Variants in FOXN3 observed in about 807,000 individuals in gnomAD.
FOXN3 encodes the protein forkhead box protein N3.
A neutral mutation model predicts 38.4 loss-of-function variants in FOXN3; 7 were observed. That is an observed-to-expected ratio of 0.18 (90% confidence interval 0.10 to 0.34). The LOEUF (loss-of-function observed/expected upper bound fraction) is 0.34. Among genes scored for constraint, FOXN3 ranks in the 10% least tolerant of loss-of-function variants. The pLI is 1.00. For missense variants in FOXN3, 456 were observed against 613.4 expected (o/e 0.74, Z 2.71); for synonymous variants, 230 against 242.2 (o/e 0.95, Z 0.47).
At chr14:89,452,406 G>A (rs1332002220) in intron 1 of FOXN3, among the ~76,000 whole-genome samples, 7 of 152,136 alleles carry the variant, frequency 4.6e-5, no homozygotes, top group African/African-American at 1.7e-4. Context: ...GGGGAGGGCC[G>A]GAATGAGCAC....
chr14:89,350,607 G>T, intron 3 of FOXN3, 65 bp downstream of exon 3: 3 of 1,324,060 alleles, frequency 2.3e-6, no homozygotes, highest in Non-Finnish European at 2.0e-6. Context: ...ATTAATTTCC[G>T]CGCAGGTCTC....
At chr14:89,437,881 T>G (rs1892303910) in intron 1 of FOXN3, among the ~76,000 whole-genome samples, 1 of 152,210 alleles carries the variant, frequency 6.6e-6, no homozygotes, top group South Asian at 2.1e-4. Context: ...GAACCCTTTA[T>G]CTGCAACAGT....
chr14:89,337,830 A>G (rs749021362), intron 3 of FOXN3, among the ~76,000 whole-genome samples: 10 of 152,078 alleles, frequency 6.6e-5, no homozygotes, highest in Admixed American at 2.0e-4. Context: ...GGGTTTCACC[A>G]TGTTGGCCAG....
At chr14:89,510,174 C>T (rs752459085) in intron 1 of FOXN3, among the ~76,000 whole-genome samples, 1 of 152,102 alleles carries the variant, frequency 6.6e-6, no homozygotes, top group African/African-American at 2.4e-5. Context: ...ACATGAAAAC[C>T]CTGAGGCTCA....
rs187569260 is a variant in FOXN3, at chr14:89,458,018, G to A, written c.-14-45528C>T. 1.3e-4 allele frequency among the ~76,000 whole-genome samples: 13 copies of A among 103,410 alleles called. No homozygotes were observed. In the East Asian group the frequency reaches 1.5e-3, roughly 12 times the overall value. The allele number at this position is 103,410 out of a possible 152,430, so 67.8% of individuals were successfully genotyped here. A position where few individuals can be genotyped will look rare whatever the true frequency, so the allele number is the denominator to read the frequency against. On this transcript the variant is annotated intron_variant, in intron 1 of 6. Coordinates refer to the FOXN3 transcript ENST00000345097. ...GCACTCCAGCCTGAGCGATAAGAGC[G>A]AAACTCCATCTCAAAAAAAAAAAAA...
At chr14:89,170,981 A>G (rs1887374156) in intron 5 of FOXN3, among the ~76,000 whole-genome samples, 1 of 152,206 alleles carries the variant, frequency 6.6e-6, no homozygotes, top group East Asian at 1.9e-4. Context: ...AATCCAAAAA[A>G]GAAAGGAAAT....
At chr14:89,257,842 A>G (rs1368747459) in intron 4 of FOXN3, among the ~76,000 whole-genome samples, 2 of 152,048 alleles carry the variant, frequency 1.3e-5, no homozygotes, top group Non-Finnish European at 2.9e-5. Context: ...TGTCCCGTGG[A>G]TTTTGATTTT....
At chr14:89,327,371 C>T (rs1888113763) in intron 3 of FOXN3, among the ~76,000 whole-genome samples, 1 of 152,174 alleles carries the variant, frequency 6.6e-6, no homozygotes, top group African/African-American at 2.4e-5. Context: ...GTTACCAGCC[C>T]TGGAATGCTG....
chr14:89,325,248 G>GACCACC (rs1187823867), intron 3 of FOXN3, among the ~76,000 whole-genome samples: 3 of 19,944 alleles, frequency 1.5e-4, no homozygotes, highest in Non-Finnish European at 2.3e-4. Context: ...CCACCACCAC[G>GACCACC]ACCACCACCA....
At chr14:89,273,346 C>T (rs1886209109) in intron 4 of FOXN3, among the ~76,000 whole-genome samples, 1 of 152,192 alleles carries the variant, frequency 6.6e-6, no homozygotes, top group South Asian at 2.1e-4. Context: ...TAATAAAGGC[C>T]CTCGATTTCC....
chr14:89,399,039 A>T (rs1891176442), intron 2 of FOXN3, among the ~76,000 whole-genome samples: 1 of 152,164 alleles, frequency 6.6e-6, no homozygotes, highest in African/African-American at 2.4e-5. Flanking sequence ...GCTTTCCTGA[A>T]TTTTTTTGTT....
At chr14:89,322,532 G>A (rs1887925935) in intron 3 of FOXN3, among the ~76,000 whole-genome samples, 1 of 152,156 alleles carries the variant, frequency 6.6e-6, no homozygotes, top group African/African-American at 2.4e-5. Flanking sequence ...TCTGGAGGGG[G>A]CTGCAGAGGG....
intron 1 of FOXN3, among the ~76,000 whole-genome samples, chr14:89,465,611 A>G (rs1480291267): frequency 6.6e-6 from 1 of 152,242 alleles, no homozygotes; most frequent in East Asian, 1.9e-4. Flanking sequence ...GTTTTGTACC[A>G]CTGTCTGCAC....
intron 3 of FOXN3, among the ~76,000 whole-genome samples, chr14:89,311,905 C>T (rs543126530): frequency 6.6e-6 from 1 of 152,240 alleles, no homozygotes; most frequent in Non-Finnish European, 1.5e-5. Flanking sequence ...AGCACTGGTG[C>T]AAAACGAGTG....
chr14:89,573,882 C>T (rs959989341), intron 1 of FOXN3, among the ~76,000 whole-genome samples: 5 of 151,944 alleles, frequency 3.3e-5, no homozygotes, highest in African/African-American at 1.2e-4. Flanking sequence ...AATAAAAAAA[C>T]TAGCAGGCTT....
intron 1 of FOXN3, among the ~76,000 whole-genome samples, chr14:89,465,332 C>T (rs1052814215): frequency 1.5e-4 from 23 of 152,170 alleles, no homozygotes; most frequent in East Asian, 5.8e-4. Flanking sequence ...CAGGTTCAAG[C>T]GATTCTCCTG....
chr14:89,269,601 A>G (rs1886087359), intron 4 of FOXN3, among the ~76,000 whole-genome samples: 1 of 151,788 alleles, frequency 6.6e-6, no homozygotes, highest in Non-Finnish European at 1.5e-5. Flanking sequence ...TGGTCGCAAC[A>G]GTTGTTTTTC....
intron 1 of FOXN3, among the ~76,000 whole-genome samples, chr14:89,588,003 C>G (rs184000381): frequency 6.6e-6 from 1 of 151,624 alleles, no homozygotes; most frequent in African/African-American, 2.4e-5. Context: ...AATCTCATGT[C>G]AAATTGTAAT....
intron 4 of FOXN3, among the ~76,000 whole-genome samples, chr14:89,211,389 T>A (rs1004775249): frequency 4.6e-5 from 7 of 152,204 alleles, no homozygotes; most frequent in African/African-American, 1.7e-4. Context: ...GGACAGAAAG[T>A]TCTCAACTCC....
Sources: gnomAD v4.1 joint callset for allele counts (sites outside exome capture counted in the v4.1 genomes callset) on GRCh38, gnomAD v4.1.1 for gene constraint, MANE v1.5 for transcripts, NCBI Gene and HGNC (gene_info 2026-07-23, HGNC 2026-07-21) for gene names.